Variants in NINL observed in about 807,000 individuals in gnomAD.
NINL encodes ninein-like protein.
NINL carries 153 observed loss-of-function variants against 160.3 expected under a neutral mutation model. The observed-to-expected ratio is 0.95, with a 90% CI of 0.84 to 1.09. NINL has a LOEUF of 1.09. Ranked by LOEUF, NINL falls within the 50% of genes least tolerant of loss-of-function variation. The probability of loss-of-function intolerance (pLI) is 0.00; values close to 1 mark genes in which losing one functional copy is unlikely to be tolerated. For synonymous variants in NINL, 800 were observed against 734.8 expected, an observed-to-expected ratio of 1.09 and a Z score of -1.43; for missense variants, 1,829 against 1,764.0, an observed-to-expected ratio of 1.04 and a Z score of -0.66.
At chr20:25,566,517 T>C (rs1257209661) in intron 1 of NINL, among the ~76,000 whole-genome samples, 5 of 152,140 alleles carry the variant, frequency 3.3e-5, no homozygotes, top group African/African-American at 9.7e-5. Flanking sequence ...CAGATAACTA[T>C]GATTAACATG....
At chr20:25,513,061 T>C (rs1485040701) in intron 3 of NINL, 55 bp from the exon 4 acceptor site, 4 of 1,537,964 alleles carry the variant, frequency 2.6e-6, no homozygotes, top group Middle Eastern at 3.5e-4. Context: ...TCTGGGCCCA[T>C]GCAGGCCAGC....
intron 5 of NINL, among the ~76,000 whole-genome samples, 182 bp downstream of exon 5, chr20:25,510,492 C>T (rs1321769071): frequency 6.6e-6 from 1 of 152,250 alleles, no homozygotes; most frequent in Non-Finnish European, 1.5e-5. Flanking sequence ...GACGGCCTCA[C>T]TGCTGTGATG....
chr20:25,554,675 T>TG (rs751310548), intron 1 of NINL, among the ~76,000 whole-genome samples: 188 of 144,034 alleles, frequency 1.3e-3, no homozygotes, highest in Non-Finnish European at 2.4e-3. Context: ...GGTGTGGTGA[T>TG]GGGGGTCTGT....
chr20:25,547,069 G>T (rs1444346660), intron 1 of NINL, among the ~76,000 whole-genome samples: 4 of 152,154 alleles, frequency 2.6e-5, no homozygotes, highest in Non-Finnish European at 5.9e-5. Context: ...TGTATGTTTA[G>T]TCTTGGTCCT....
At chr20:25,499,266 G>A (rs1172609281) in intron 8 of NINL, 1 of 980,966 alleles carries the variant, frequency 1.0e-6, no homozygotes, top group Non-Finnish European at 1.2e-6. Flanking sequence ...TCACTGGATG[G>A]CGTAGAGGGA....
intron 1 of NINL, among the ~76,000 whole-genome samples, chr20:25,527,621 A>G (rs2064382792): frequency 6.6e-6 from 1 of 152,130 alleles, no homozygotes; most frequent in Non-Finnish European, 1.5e-5. Flanking sequence ...GAGGATGTTA[A>G]TAAATCACAA....
rs945372030 is a variant in NINL, at chr20:25,491,671, G to A, written c.1311-146C>T. 4 of 914,924 alleles carry A rather than the reference G, an allele frequency of 4.4e-6. No individual in the cohort carries two copies. In the African/African-American group the frequency reaches 5.0e-5, roughly 12 times the overall value. The allele number at this position is 914,924 out of a possible 1,614,324, so 56.7% of individuals were successfully genotyped here. On this transcript the variant is annotated intron_variant, in intron 10 of 23. Coordinates refer to ENST00000278886, the MANE Select transcript of NINL (RefSeq NM_025176.6). ...GCCCTGCCTTGGCTGAGCTGCCCAT[G>A]CTGGGAGGCAAATCTGAGGGTGGGT...
intron 1 of NINL, among the ~76,000 whole-genome samples, chr20:25,538,763 AGGAGAGCACAGAACT>A (rs1032716930): frequency 1.3e-5 from 2 of 151,916 alleles, no homozygotes; most frequent in East Asian, 1.9e-4. Flanking sequence ...CACAGAACTG[AGGAGAGCACAGAACT>A]GGAGAGCACA....
chr20:25,526,188 C>T (rs1323508418), intron 2 of NINL, among the ~76,000 whole-genome samples: 1 of 152,170 alleles, frequency 6.6e-6, no homozygotes, highest in African/African-American at 2.4e-5. Context: ...AAAAACAAAA[C>T]CAAACCTCTG....
chr20:25,497,593 TAGC>T (rs2063783023), intron 9 of NINL, among the ~76,000 whole-genome samples: 1 of 152,246 alleles, frequency 6.6e-6, no homozygotes, highest in Non-Finnish European at 1.5e-5. Flanking sequence ...CAAATCTGCT[TAGC>T]AGACGGATGG....
chr20:25,564,022 G>A (rs548408728), intron 1 of NINL, among the ~76,000 whole-genome samples: 11 of 152,096 alleles, frequency 7.2e-5, no homozygotes, highest in South Asian at 2.1e-4. Context: ...AGACCAACCC[G>A]AGCAACAAAG....
At chr20:25,469,038 A>C (rs112555823) in intron 18 of NINL, among the ~76,000 whole-genome samples, 76 of 50,242 alleles carry the variant, frequency 1.5e-3, no homozygotes, top group Admixed American at 3.0e-3. Flanking sequence ...TGGGTGCCCC[A>C]CTGCCCTGTC....
At chr20:25,582,723 T>C (rs943990915) in intron 1 of NINL, among the ~76,000 whole-genome samples, 1 of 152,168 alleles carries the variant, frequency 6.6e-6, no homozygotes, top group Non-Finnish European at 1.5e-5. Context: ...ATTTTCCTTT[T>C]AATATACAAG....
intron 13 of NINL, among the ~76,000 whole-genome samples, chr20:25,488,671 C>T (rs749974942): frequency 9.2e-5 from 14 of 151,922 alleles, no homozygotes; most frequent in East Asian, 1.9e-4. Flanking sequence ...TGCAACACCA[C>T]GGCACATTCC....
In NINL at chr20:25,477,042, G is replaced by A. The variant is rs370873099; in HGVS notation, c.2249C>T (p.Ala750Val). ...ELSGELSGLG[A>V]LPARRDLTLE... ...GGTCAGGTCTCTGCGAGCGGGCAGG[G>A]CTCCCAGCCCCGACAGCTCTCCACT... The change falls in exon 17 of 24, where the codon GCC (alanine) becomes GTC (valine). Residue 750 changes from alanine (A) to valine (V), a missense_variant. Physicochemically the swap from Ala to Val is moderately conservative, Grantham distance 64 (BLOSUM62 0). Transcript: ENST00000278886. 367 of 1,598,882 alleles carry A rather than the reference G, an allele frequency of 2.3e-4. No homozygotes were observed. The highest frequency in any genetic ancestry group is 3.3e-4 in the Middle Eastern group (2 of 6,032).
intron 5 of NINL, among the ~76,000 whole-genome samples, chr20:25,509,025 G>A (rs34023242): frequency 2.0e-5 from 3 of 152,270 alleles, no homozygotes; most frequent in African/African-American, 7.2e-5. Flanking sequence ...CTTCCCTTCA[G>A]GTCTGTGTCC....
At chr20:25,534,943 G>A (rs948891354) in intron 1 of NINL, among the ~76,000 whole-genome samples, 2 of 152,226 alleles carry the variant, frequency 1.3e-5, no homozygotes, top group Non-Finnish European at 2.9e-5. Flanking sequence ...AAAACAAAAA[G>A]CCTCTACATG....
At chr20:25,549,330 G>C (rs1282489476) in intron 1 of NINL, among the ~76,000 whole-genome samples, 1 of 133,922 alleles carries the variant, frequency 7.5e-6, no homozygotes, top group Non-Finnish European at 1.6e-5. Context: ...CATGGCCACA[G>C]CTCCCATACC....
chr20:25,578,888 G>C (rs2065144721), intron 1 of NINL, among the ~76,000 whole-genome samples: 1 of 151,424 alleles, frequency 6.6e-6, no homozygotes, highest in Admixed American at 6.6e-5. Flanking sequence ...CATGCCTGTA[G>C]TCCCAGCTAC....
Sources: allele counts gnomAD v4.1 joint callset (sites outside exome capture counted in the v4.1 genomes callset), GRCh38; gene constraint gnomAD v4.1.1; transcripts MANE v1.5; gene names NCBI Gene and HGNC (gene_info 2026-07-23, HGNC 2026-07-21).